The following GSDME variants were observed in gnomAD, a reference collection of about 807,000 sequenced individuals.
The protein encoded by GSDME is gasdermin E, also known as gasdermin-E.
In GSDME, 44 loss-of-function variants were observed where a neutral mutation model predicts 47.5. The observed-to-expected ratio is 0.93, with a 90% CI of 0.73 to 1.19. The LOEUF is 1.19. GSDME is among the 50% of genes most tolerant of loss of function. GSDME has a pLI of 0.00. For missense variants in GSDME, 663 were observed against 604.2 expected (o/e 1.10, Z -1.02); for synonymous variants, 258 against 252.8 (o/e 1.02, Z -0.20).
the GSDME span, among the ~76,000 whole-genome samples, chr7:24,781,337 G>C: frequency 6.6e-6 from 1 of 152,182 alleles, no homozygotes; most frequent in African/African-American, 2.4e-5. Context: ...GCTGAGAGTT[G>C]TTCAATCTAA....
chr7:24,791,399 C>G, the GSDME span, among the ~76,000 whole-genome samples: 2 of 152,312 alleles, frequency 1.3e-5, no homozygotes, highest in South Asian at 2.1e-4. This position sits in a 1 kb window ranked among gnomAD's most constrained non-coding sequence, Gnocchi z 4.8. Flanking sequence ...GCTCCATAAG[C>G]CTGTATGCCA....
intron 5 of GSDME, among the ~76,000 whole-genome samples, chr7:24,715,178 G>C (rs964183651): frequency 6.6e-6 from 1 of 152,174 alleles, no homozygotes; most frequent in Non-Finnish European, 1.5e-5. Context: ...CAGAAGCAGG[G>C]GGTAGACTGG....
Position 24,699,091 on chromosome 7 carries a change from C to CTAA in GSDME, c.1425_1426insTTA (p.Lys475_Val476insLeu). 1 of 1,614,138 alleles carries CTAA rather than the reference C, an allele frequency of 6.2e-7. No homozygotes were observed. Among genetic ancestry groups the CTAA allele is most frequent in the Non-Finnish European group, 8.5e-7 (1 of 1,180,008 alleles). ...GTTATACAAAGAAGCAGTGGGAAGACTTTAGAGTCCTTCAGAATGACAGCT... is the reference window on the plus strand; with the variant it reads ...GTTATACAAAGAAGCAGTGGGAAGACTAATTTAGAGTCCTTCAGAATGACAGCT... On this transcript the variant is annotated inframe_insertion, in exon 10 of 10. Transcript: ENST00000645220.
chr7:24,734,807 T>G (rs182256212), intron 3 of GSDME, among the ~76,000 whole-genome samples: 2 of 151,630 alleles, frequency 1.3e-5, no homozygotes, highest in African/African-American at 4.8e-5. Context: ...ACATAGAAAA[T>G]AGTTTCAAAA....
rs181136990 is a variant in GSDME, at chr7:24,707,188, G to A, written c.991-812C>T. 678 of 393,588 alleles carry A rather than the reference G, an allele frequency of 1.7e-3. 1 individual carries two copies. Among genetic ancestry groups the A allele is most frequent in the Non-Finnish European group, 2.8e-3 (542 of 195,476 alleles). 24.4% of individuals were successfully genotyped at this position (393,588 alleles called of 1,614,324 possible). On this transcript the variant is annotated intron_variant, in intron 7 of 9. Transcript: ENST00000645220. ...TAATTTCAAGAGAGAAAAATAATAT[G>A]AACACTTCCCTGGAAACCATAAAGC...
the GSDME span, among the ~76,000 whole-genome samples, chr7:24,767,619 CTT>C: frequency 6.8e-6 from 1 of 147,032 alleles, no homozygotes; most frequent in African/African-American, 2.5e-5. The surrounding 1 kb of genome is among the most constrained non-coding windows in gnomAD (Gnocchi z 5.3). Context: ...GTTGTAGAAC[CTT>C]TTTTTTTTTG....
intron 2 of GSDME, among the ~76,000 whole-genome samples, chr7:24,748,144 G>GTATATATA (rs149368687): frequency 7.1e-6 from 1 of 140,978 alleles, no homozygotes; most frequent in Non-Finnish European, 1.5e-5. Context: ...ATTATATAGA[G>GTATATATA]TATATATATA....
intron 6 of GSDME, among the ~76,000 whole-genome samples, chr7:24,709,346 A>G (rs1160215894): frequency 6.6e-6 from 1 of 152,194 alleles, no homozygotes; most frequent in African/African-American, 2.4e-5. Flanking sequence ...CACAATGACA[A>G]AATCCTTCAA....
the GSDME span, among the ~76,000 whole-genome samples, chr7:24,776,180 C>CAAAAAAA: frequency 8.5e-5 from 6 of 70,660 alleles, no homozygotes; most frequent in African/African-American, 1.6e-4. Context: ...AACTCCATCT[C>CAAAAAAA]AAAAAAAAAA....
In GSDME at chr7:24,739,695, A is replaced by C. The variant is rs1790424561; in HGVS notation, c.404+4867T>G. On this transcript the variant is annotated intron_variant, in intron 3 of 9. Coordinates refer to ENST00000645220, the MANE Select transcript of GSDME (RefSeq NM_001127453.2). This position sits in a 1 kb window ranked among gnomAD's most constrained non-coding sequence, Gnocchi z 5.1. ...TCTGCACTCCTACATTTATTGCAGC[A>C]CTAGTCACAATAGTCAAAATTTGGA... Among the ~76,000 whole-genome samples the C allele has an allele frequency of 6.6e-6, 1 of 152,238 alleles. No homozygotes were observed. Among genetic ancestry groups the C allele is most frequent in the Admixed American group, 6.5e-5 (1 of 15,290 alleles).
At chr7:24,795,532 A>G in the GSDME span, among the ~76,000 whole-genome samples, 1 of 152,258 alleles carries the variant, frequency 6.6e-6, no homozygotes, top group Non-Finnish European at 1.5e-5. Context: ...AAGCAGGGGT[A>G]CGTGACTGGG....
chr7:24,751,126 A>T (rs997233414), intron 1 of GSDME, among the ~76,000 whole-genome samples: 2 of 152,222 alleles, frequency 1.3e-5, no homozygotes, highest in Non-Finnish European at 2.9e-5. Flanking sequence ...AGAGGGAACA[A>T]AAATGCTTAA....
rs1789072269 is a variant in GSDME at position 24,705,803 on chromosome 7, A to T, written c.1183+381T>A. ...AAGTTTGCAAAGATCAGAAGGACTG[A>T]AATGCTGGAGGAGAGCAGTTGGCAA... On this transcript the variant is annotated intron_variant, in intron 8 of 9. Coordinates refer to ENST00000645220, the MANE Select transcript of GSDME (RefSeq NM_001127453.2). The surrounding 1 kb of genome is among the most constrained non-coding windows in gnomAD (Gnocchi z 4.1). The T allele has an allele frequency of 2.8e-6, 1 of 358,102 alleles. No homozygotes were observed. The highest frequency in any genetic ancestry group is 7.3e-5 in the East Asian group (1 of 13,730). 22.2% of individuals were successfully genotyped at this position (358,102 alleles called of 1,614,324 possible). A position where few individuals can be genotyped will look rare whatever the true frequency, so the allele number is the denominator to read the frequency against.
rs189360785 is a variant in GSDME, at chr7:24,742,097, G to A, written c.404+2465C>T. On this transcript the variant is annotated intron_variant, in intron 3 of 9. Transcript: ENST00000645220. The surrounding 1 kb of genome is among the most constrained non-coding windows in gnomAD (Gnocchi z 4.4). Reference sequence around the variant, plus strand: ...CAAGTGATCTCATCCCTGTGTCCAGGCACCTCCAGGAGAGCAGGCCTCGCT... The same window carrying A: ...CAAGTGATCTCATCCCTGTGTCCAGACACCTCCAGGAGAGCAGGCCTCGCT... Among the ~76,000 whole-genome samples, 101 of 152,278 alleles carry A rather than the reference G, an allele frequency of 6.6e-4. 1 individual carries two copies. The highest frequency in any genetic ancestry group is 3.4e-3 in the Middle Eastern group (1 of 294).
the GSDME span, among the ~76,000 whole-genome samples, chr7:24,765,139 G>C: frequency 6.6e-6 from 1 of 152,136 alleles, no homozygotes; most frequent in African/African-American, 2.4e-5. Context: ...CTGGCCCCGG[G>C]TAATGCTGGA....
chr7:24,744,849 G>A lies in GSDME; in HGVS notation c.212-95C>T. 2 of 1,360,460 alleles carry A rather than the reference G, an allele frequency of 1.5e-6. No homozygotes were observed. Among genetic ancestry groups the A allele is most frequent in the Non-Finnish European group, 2.1e-6 (2 of 973,534 alleles). The allele number at this position is 1,360,460 out of a possible 1,614,324, so 84.3% of individuals were successfully genotyped here. A position where few individuals can be genotyped will look rare whatever the true frequency, so the allele number is the denominator to read the frequency against. On this transcript the variant is annotated intron_variant, in intron 2 of 9. Transcript: ENST00000645220. The surrounding 1 kb of genome is among the most constrained non-coding windows in gnomAD (Gnocchi z 4.5). ...CTTTCCAAGCCTGTGCAGAGCCCCG[G>A]AAAGCAGAAGGCTGGCACTCAGATG...
the GSDME span, among the ~76,000 whole-genome samples, chr7:24,769,351 G>A: frequency 1.3e-5 from 2 of 152,150 alleles, no homozygotes; most frequent in Non-Finnish European, 2.9e-5. Context: ...CTCTAACCAG[G>A]TTCTCACAGG....
In GSDME at chr7:24,712,711, A is replaced by G. The variant is rs1315165613; in HGVS notation, c.698-2323T>C. 6.6e-6 allele frequency among the ~76,000 whole-genome samples: 1 copy of G among 152,162 alleles called. No homozygotes were observed. Among genetic ancestry groups the G allele is most frequent in the African/African-American group, 2.4e-5 (1 of 41,450 alleles). ...TCCTAGGTTCATGGCTGAGGCCCCTATCACAACAGACAGATTAACAAGAGA... is the reference window on the plus strand; with the variant it reads ...TCCTAGGTTCATGGCTGAGGCCCCTGTCACAACAGACAGATTAACAAGAGA... On this transcript the variant is annotated intron_variant, in intron 5 of 9. Transcript: ENST00000645220. This position sits in a 1 kb window ranked among gnomAD's most constrained non-coding sequence, Gnocchi z 4.4.
intron 3 of GSDME, among the ~76,000 whole-genome samples, chr7:24,730,721 G>A (rs1404539734): frequency 1.3e-5 from 2 of 152,072 alleles, no homozygotes; most frequent in Admixed American, 6.6e-5. Context: ...AGGCTGAGGC[G>A]GGAGAATTGC....
Sources: gnomAD v4.1 joint callset for allele counts (sites outside exome capture counted in the v4.1 genomes callset) on GRCh38, gnomAD v4.1.1 for gene constraint, Gnocchi (gnomAD v3.1) non-coding constraint, MANE v1.5 for transcripts, NCBI Gene and HGNC (gene_info 2026-07-23, HGNC 2026-07-21) for gene names.